Variants in TBC1D22A observed in about 807,000 individuals in gnomAD.
TBC1D22A encodes TBC1 domain family member 22A.
TBC1D22A carries 38 observed loss-of-function variants against 60.2 expected under a neutral mutation model. The observed-to-expected ratio is 0.63, with a 90% CI of 0.49 to 0.83. The LOEUF (loss-of-function observed/expected upper bound fraction) is 0.83, where lower values mean the gene tolerates loss of function less well. Among genes scored for constraint, TBC1D22A ranks in the 40% least tolerant of loss-of-function variants. The probability of loss-of-function intolerance (pLI) is 0.00; values close to 1 mark genes in which losing one functional copy is unlikely to be tolerated. For synonymous variants in TBC1D22A, 302 were observed against 281.7 expected (o/e 1.07, Z -0.72); for missense variants, 628 against 701.0 (o/e 0.90, Z 1.18).
intron 12 of TBC1D22A, among the ~76,000 whole-genome samples, chr22:47,151,110 G>A (rs560563905): frequency 2.6e-5 from 4 of 152,246 alleles, no homozygotes; most frequent in Admixed American, 2.0e-4. Flanking sequence ...AACCCGCTCC[G>A]CTTAAAGGAA....
In TBC1D22A at chr22:47,037,067, G is replaced by T; in HGVS notation, c.1202-4G>T. The stretch of plus-strand genomic sequence containing the variant: ...GCCTTGGGGCCTGTGTTTGTTTTGT[G>T]CAGAGCAAGTGCACCGGCACCTGGA... On this transcript the variant is annotated splice_region_variant and splice_polypyrimidine_tract_variant and intron_variant, in intron 10 of 12. Coordinates refer to ENST00000337137, the MANE Select transcript of TBC1D22A (RefSeq NM_014346.5). 1.2e-6 allele frequency: 2 copies of T among 1,613,398 alleles called. No individual in the cohort carries two copies. The highest frequency in any genetic ancestry group is 1.7e-4 in the Middle Eastern group (1 of 6,052).
chr22:46,889,930 C>T (rs901278040), intron 5 of TBC1D22A, among the ~76,000 whole-genome samples: 1 of 152,160 alleles, frequency 6.6e-6, no homozygotes, highest in Non-Finnish European at 1.5e-5. Flanking sequence ...GCTGGATGCC[C>T]TTGTCAAAAG....
intron 4 of TBC1D22A, among the ~76,000 whole-genome samples, chr22:46,853,929 C>G (rs2087426107): frequency 6.6e-6 from 1 of 152,202 alleles, no homozygotes; most frequent in African/African-American, 2.4e-5. Flanking sequence ...CGCATGACCT[C>G]AGAGGCATTT....
At chr22:46,992,352 G>A (rs535380193) in intron 9 of TBC1D22A, among the ~76,000 whole-genome samples, 17 of 152,374 alleles carry the variant, frequency 1.1e-4, no homozygotes, top group African/African-American at 2.9e-4. Context: ...ACTCAGCACC[G>A]AGGATGTTAC....
Position 46,900,290 on chromosome 22 carries a change from T to C in TBC1D22A, c.900+5444T>C, listed in dbSNP as rs1270077803. On this transcript the variant is annotated intron_variant, in intron 7 of 12. Transcript: ENST00000337137. Reference sequence around the variant, plus strand: ...CCTCAGACTCCCGAGTAGCTGGGATTACAGGCACCCACCACCATGTCCAGC... The same window carrying C: ...CCTCAGACTCCCGAGTAGCTGGGATCACAGGCACCCACCACCATGTCCAGC... 1.1e-4 allele frequency among the ~76,000 whole-genome samples: 16 copies of C among 152,112 alleles called. 1 individual carries two copies. The highest frequency in any genetic ancestry group is 8.5e-4 in the Admixed American group (13 of 15,274).
intron 11 of TBC1D22A, among the ~76,000 whole-genome samples, chr22:47,095,984 G>A (rs1365479632): frequency 6.6e-6 from 1 of 152,202 alleles, no homozygotes; most frequent in Admixed American, 6.5e-5. Flanking sequence ...GAGTCTGTTG[G>A]TAACTAGAAA....
intron 12 of TBC1D22A, among the ~76,000 whole-genome samples, chr22:47,169,608 C>G (rs894869562): frequency 6.6e-6 from 1 of 152,158 alleles, no homozygotes; most frequent in Non-Finnish European, 1.5e-5. Context: ...CACTCGGTGT[C>G]CACTGGAAGG....
chr22:46,838,016 C>A (rs552741961), intron 4 of TBC1D22A, among the ~76,000 whole-genome samples: 1 of 152,136 alleles, frequency 6.6e-6, no homozygotes, highest in East Asian at 1.9e-4. Context: ...GCCAAGATTG[C>A]GCCACTGCAC....
intron 8 of TBC1D22A, among the ~76,000 whole-genome samples, chr22:46,941,108 TACAC>T (rs145138507): frequency 0.047 from 3,666 of 77,264 alleles, 169 homozygotes; most frequent in African/African-American, 0.12. Context: ...GGCACTAGCA[TACAC>T]ACACACACAC....
rs563236418 is a variant in TBC1D22A, at chr22:47,090,913, G to C, written c.1330-20595G>C. ...GACAGGCAGGAGAAGTCGTCTTTGGGGGGGTGTGGCCTCACGGAGGGGGTG... is the reference window on the plus strand; with the variant it reads ...GACAGGCAGGAGAAGTCGTCTTTGGCGGGGTGTGGCCTCACGGAGGGGGTG... On this transcript the variant is annotated intron_variant, in intron 11 of 12. Transcript: ENST00000337137. 1.2e-3 allele frequency among the ~76,000 whole-genome samples: 153 copies of C among 126,202 alleles called. 4 individuals are homozygous for C. The highest frequency in any genetic ancestry group is 6.0e-3 in the Middle Eastern group (1 of 166). 82.8% of individuals were successfully genotyped at this position (126,202 alleles called of 152,430 possible).
chr22:47,167,530 G>T (rs189260423), intron 12 of TBC1D22A, among the ~76,000 whole-genome samples: 3 of 152,294 alleles, frequency 2.0e-5, no homozygotes, highest in Admixed American at 2.0e-4. Flanking sequence ...TGCTCTCGCA[G>T]TTTGGCAAGT....
rs2061694614 is a variant in TBC1D22A at position 47,009,612 on chromosome 22, CATT to C, written c.1201+11905_1201+11907del. On this transcript the variant is annotated intron_variant, in intron 10 of 12. Transcript: ENST00000337137. This position sits in a 1 kb window ranked among gnomAD's most constrained non-coding sequence, Gnocchi z 5.8. ...ACCATCATTCTGTCATCACCATCAT[CATT>C]ACTATCACCATCATTTCATCACCGT... 6.6e-6 allele frequency among the ~76,000 whole-genome samples: 1 copy of C among 152,114 alleles called. No homozygotes were observed. Among genetic ancestry groups the C allele is most frequent in the Non-Finnish European group, 1.5e-5 (1 of 68,016 alleles).
intron 4 of TBC1D22A, among the ~76,000 whole-genome samples, chr22:46,823,953 C>T (rs2085938271): frequency 6.6e-6 from 1 of 152,158 alleles, no homozygotes; most frequent in African/African-American, 2.4e-5. Context: ...GCAGCACCAC[C>T]CAGGGCGACA....
intron 4 of TBC1D22A, among the ~76,000 whole-genome samples, chr22:46,798,095 T>G (rs1045340471): frequency 5.3e-5 from 8 of 152,212 alleles, no homozygotes; most frequent in African/African-American, 1.7e-4. Context: ...CAGGCTGGTC[T>G]TGAACTCCTA....
In TBC1D22A at chr22:46,811,379, C is replaced by T. The variant is rs757828077; in HGVS notation, c.637+13759C>T. ...CTGCTGTGCCAGGCCCTGTGCTGGA[C>T]GGTGATGAGCACTTGAGTTGTGTGG... is the stretch of plus-strand genomic sequence containing the variant. On this transcript the variant is annotated intron_variant, in intron 4 of 12. Coordinates refer to ENST00000337137, the MANE Select transcript of TBC1D22A (RefSeq NM_014346.5). Among the ~76,000 whole-genome samples, 11 of 152,274 alleles carry T rather than the reference C, an allele frequency of 7.2e-5. No homozygotes were observed. The East Asian group carries it at 7.7e-4, about 11-fold the overall frequency.
chr22:47,170,999 A>G (rs1325695144), intron 12 of TBC1D22A, among the ~76,000 whole-genome samples: 1 of 152,210 alleles, frequency 6.6e-6, no homozygotes, highest in Non-Finnish European at 1.5e-5. Context: ...GTGGGGCAAC[A>G]TGCAGACGGC....
intron 4 of TBC1D22A, among the ~76,000 whole-genome samples, chr22:46,825,171 A>G (rs191460312): frequency 6.6e-6 from 1 of 152,326 alleles, no homozygotes; most frequent in East Asian, 1.9e-4. Context: ...GGATAATGTA[A>G]TAGTTATGTA....
chr22:46,798,473 C>T (rs1434101079), intron 4 of TBC1D22A, among the ~76,000 whole-genome samples: 4 of 152,256 alleles, frequency 2.6e-5, no homozygotes, highest in Admixed American at 6.5e-5. Flanking sequence ...TCTTCCTGCG[C>T]GAGTTGCTTC....
At position 47,037,133 on chromosome 22, in the gene TBC1D22A, A is replaced by T; in HGVS notation, c.1264A>T (p.Met422Leu). The T allele has an allele frequency of 6.2e-7, 1 of 1,614,002 alleles. No homozygotes were observed. Among genetic ancestry groups the T allele is most frequent in the Non-Finnish European group, 8.5e-7 (1 of 1,179,940 alleles). Residue 422 changes from methionine (M) to leucine (L), a missense_variant, in exon 11 of 13, where the codon ATG becomes TTG. Physicochemically the swap from Met to Leu is conservative, Grantham distance 15 (BLOSUM62 2). Coordinates refer to ENST00000337137, the MANE Select transcript of TBC1D22A (RefSeq NM_014346.5). ...VRYLQFAFRW[M>L]NNLLMREVPL... ...ATACCTGCAGTTTGCCTTCCGCTGG[A>T]TGAACAACCTGCTGATGAGGGAGGT...
Sources: allele counts gnomAD v4.1 joint callset (sites outside exome capture counted in the v4.1 genomes callset), GRCh38; gene constraint gnomAD v4.1.1; non-coding constraint Gnocchi (gnomAD v3.1); transcripts MANE v1.5; gene names NCBI Gene and HGNC (gene_info 2026-07-23, HGNC 2026-07-21).